Variants in HNF1A observed in about 807,000 individuals in gnomAD.
HNF1A encodes the protein HNF1 homeobox A.
HNF1A carries 21 observed loss-of-function variants against 62.2 expected under a neutral mutation model. The ratio of observed to expected loss-of-function variants is 0.34; its 90% confidence interval spans 0.24 to 0.49. HNF1A has a LOEUF of 0.49. HNF1A is among the 20% of genes least tolerant of loss of function. The pLI is 0.99. For synonymous variants in HNF1A, 374 were observed against 366.8 expected (o/e 1.02, Z -0.22); for missense variants, 687 against 832.3 (o/e 0.83, Z 2.15).
chr12:120,983,153 T>C (rs780399423), intron 1 of HNF1A, among the ~76,000 whole-genome samples: 7 of 152,172 alleles, frequency 4.6e-5, no homozygotes, highest in Non-Finnish European at 8.8e-5. Context: ...GGACATCCGA[T>C]TGACCCTGGA....
chr12:120,996,827 C>CTCATTCAT lies in HNF1A; in HGVS notation c.1309+94_1309+101dup, dbSNP rs58371019. ...CCAGGAGCTGGAAGAGCCACTGGGA[C>CTCATTCAT]TCATTCATTCATTCATACAACATGT... On this transcript the variant is annotated intron_variant, in intron 6 of 9. Transcript: ENST00000257555. The surrounding 1 kb of genome is among the most constrained non-coding windows in gnomAD (Gnocchi z 4.5). The CTCATTCAT allele has an allele frequency of 0.79, 1,213,972 of 1,530,040 alleles. 485,095 individuals are homozygous for CTCATTCAT. The highest frequency in any genetic ancestry group is 0.89 in the Admixed American group (45,440 of 50,918). 94.8% of individuals were successfully genotyped at this position (1,530,040 alleles called of 1,614,324 possible).
chr12:120,988,785 G>T (rs1265256068), intron 1 of HNF1A, 48 bp from the exon 2 acceptor site: 1 of 1,582,110 alleles, frequency 6.3e-7, no homozygotes. Context: ...CCCACCTATG[G>T]GGAGAGACAG....
chr12:120,999,522 C>T lies in HNF1A; in HGVS notation c.1663C>T (p.Leu555Phe), dbSNP rs193922587. Reference sequence around the variant, plus strand: ...CACTGAGGCCTCCAGTGAGTCCGGGCTTCACACGCCGGCATCTCAGGCCAC... The same window carrying T: ...CACTGAGGCCTCCAGTGAGTCCGGGTTTCACACGCCGGCATCTCAGGCCAC... ...SDTEASSESG[L>F]HTPASQATTL... Residue 555 changes from leucine to phenylalanine, a missense_variant, in exon 9 of 10, where the codon CTT becomes TTT. Around this residue, in one of 5 missense-constraint regions of HNF1A, gnomAD observed 408 missense variants for 455.3 expected, o/e 0.90. Transcript: ENST00000257555. The T allele has an allele frequency of 1.9e-5, 31 of 1,613,572 alleles. No individual in the cohort carries two copies. Among genetic ancestry groups the T allele is most frequent in the Non-Finnish European group, 2.5e-5 (30 of 1,179,936 alleles).
intron 1 of HNF1A, among the ~76,000 whole-genome samples, chr12:120,987,203 G>A (rs999133806): frequency 7.9e-5 from 12 of 152,278 alleles, no homozygotes; most frequent in South Asian, 2.1e-4. Flanking sequence ...GGCCGGGCGC[G>A]GTGGCTCACG....
At position 120,996,626 on chromosome 12, in the gene HNF1A, A is replaced by C. The variant is rs1877116749; in HGVS notation, c.1193A>C (p.Gln398Pro). 1.9e-6 allele frequency: 3 copies of C among 1,614,068 alleles called. No individual in the cohort carries two copies. The highest frequency in any genetic ancestry group is 2.5e-6 in the Non-Finnish European group (3 of 1,179,992). The change falls in exon 6 of 10, where the codon CAG (glutamine) becomes CCG (proline). Residue 398 changes from glutamine (Q) to proline (P), a missense_variant. Physicochemically the swap from Gln to Pro is moderately conservative, Grantham distance 76 (BLOSUM62 -1). Transcript: ENST00000257555. This position sits in a 1 kb window ranked among gnomAD's most constrained non-coding sequence, Gnocchi z 4.5. ...GAGCAGACATCCCCAGGCCTCAACC[A>C]GCAGCCCCAGAACCTCATCATGGCC... ...SLEQTSPGLN[Q>P]QPQNLIMASL...
In HNF1A at chr12:120,996,505, C is replaced by T. The variant is rs370573492; in HGVS notation, c.1108-36C>T. On this transcript the variant is annotated intron_variant, in intron 5 of 9. Coordinates refer to ENST00000257555, the MANE Select transcript of HNF1A (RefSeq NM_000545.8). The surrounding 1 kb of genome is among the most constrained non-coding windows in gnomAD (Gnocchi z 4.5). ...TCCCTAGGGAGGCCCTGTGGGGACCCCGGCCCCCCGGACACAGCTTGGCTT... is the reference window on the plus strand; with the variant it reads ...TCCCTAGGGAGGCCCTGTGGGGACCTCGGCCCCCCGGACACAGCTTGGCTT... 1.9e-5 allele frequency: 31 copies of T among 1,612,580 alleles called. No individual in the cohort carries two copies. The highest frequency in any genetic ancestry group is 3.3e-4 in the Middle Eastern group (2 of 6,082).
rs771512829 is a variant in HNF1A at position 120,996,306 on chromosome 12, C to A, written c.1000C>A (p.Pro334Thr). ...QPATSETAEV[P>T]SSSGGPLVTV... Reference sequence around the variant, plus strand: ...TGCGACCAGTGAGACTGCAGAAGTACCCTCAAGCAGCGGCGGTCCCTTAGT... The same window carrying A: ...TGCGACCAGTGAGACTGCAGAAGTAACCTCAAGCAGCGGCGGTCCCTTAGT... The change falls in exon 5 of 10, where the codon CCC (proline) becomes ACC (threonine). Residue 334 changes from proline (P) to threonine (T), a missense_variant. Coordinates refer to ENST00000257555, the MANE Select transcript of HNF1A (RefSeq NM_000545.8). The surrounding 1 kb of genome is among the most constrained non-coding windows in gnomAD (Gnocchi z 4.5). 2.5e-6 allele frequency: 4 copies of A among 1,614,208 alleles called. No individual in the cohort carries two copies. The highest frequency in any genetic ancestry group is 1.1e-5 in the South Asian group (1 of 91,084).
chr12:120,985,975 C>G (rs990860565), intron 1 of HNF1A, among the ~76,000 whole-genome samples: 1 of 149,546 alleles, frequency 6.7e-6, no homozygotes, highest in Non-Finnish European at 1.5e-5. Context: ...CAGAGCAAGG[C>G]TTTGTCTCAA....
Position 120,997,575 on chromosome 12 carries a change from T to G in HNF1A, c.1411T>G (p.Ser471Ala). Residue 471 changes from serine (S) to alanine (A), a missense_variant, in exon 7 of 10, where the codon TCC (serine) becomes GCC (alanine). Around this residue, in one of 5 missense-constraint regions of HNF1A, gnomAD observed 408 missense variants for 455.3 expected, o/e 0.90. Transcript: ENST00000257555. ...CCAGTTCTCCCAGCCGCTGCACCCCTCCTACCAGCAGCCGCTCATGCCACC... is the reference window on the plus strand; with the variant it reads ...CCAGTTCTCCCAGCCGCTGCACCCCGCCTACCAGCAGCCGCTCATGCCACC... ...PVQFSQPLHP[S>A]YQQPLMPPVQ... 6.2e-7 allele frequency: 1 copy of G among 1,613,738 alleles called. No homozygotes were observed. Among genetic ancestry groups the G allele is most frequent in the Non-Finnish European group, 8.5e-7 (1 of 1,179,956 alleles).
At position 120,997,267 on chromosome 12, in the gene HNF1A, A is replaced by G. The variant is rs549891902; in HGVS notation, c.1310-207A>G. ...GCCTGCCTCTCCCACTAGCCTAGACAAAGAGCTAAAGGCTCAGAGAGGGGG... is the reference window on the plus strand; with the variant it reads ...GCCTGCCTCTCCCACTAGCCTAGACGAAGAGCTAAAGGCTCAGAGAGGGGG... On this transcript the variant is annotated intron_variant, in intron 6 of 9. Transcript: ENST00000257555. The G allele has an allele frequency of 4.3e-5, 61 of 1,421,400 alleles. 1 individual carries two copies. In the African/African-American group the frequency reaches 8.5e-4, roughly 20 times the overall value. The allele number at this position is 1,421,400 out of a possible 1,614,324, so 88.0% of individuals were successfully genotyped here.
rs771962740 is a variant in HNF1A at position 120,994,145 on chromosome 12, T to A, written c.714-19T>A. 1 of 1,611,072 alleles carries A rather than the reference T, an allele frequency of 6.2e-7. No homozygotes were observed. The highest frequency in any genetic ancestry group is 1.1e-5 in the South Asian group (1 of 90,214). On this transcript the variant is annotated intron_variant, in intron 3 of 9. Coordinates refer to ENST00000257555, the MANE Select transcript of HNF1A (RefSeq NM_000545.8). ...CCTCTGAGCCTGGCCTGGAGGCTCA[T>A]GGGTGGCTATTTCTGCAGGGCGGAA...
chr12:120,979,137 G>C (rs752900746), intron 1 of HNF1A, 43 bp downstream of exon 1: 3 of 1,553,880 alleles, frequency 1.9e-6, no homozygotes, highest in Non-Finnish European at 2.6e-6. Context: ...AGAGCCTAGA[G>C]GGGCCCCCCT....
At chr12:120,989,140 A>G in intron 2 of HNF1A, 108 bp downstream of exon 2, 2 of 1,079,300 alleles carry the variant, frequency 1.9e-6, no homozygotes, top group South Asian at 2.7e-5. Context: ...AGACAGGTAG[A>G]TGGAAAGGAA....
Position 120,993,510 on chromosome 12 carries a change from GTGCC to G in HNF1A, c.527-6_527-3del, listed in dbSNP as rs764220373. The G allele has an allele frequency of 3.7e-6, 6 of 1,613,670 alleles. No homozygotes were observed. The highest frequency in any genetic ancestry group is 3.3e-4 in the Middle Eastern group (2 of 6,024). On this transcript the variant is annotated splice_region_variant and splice_polypyrimidine_tract_variant and intron_variant, in intron 2 of 9. Transcript: ENST00000257555. ...GCCAGTACCCCACTCACGGCTTTCT[GTGCC>G]TGCAGAGTTCACCCATGCAGGGCAG...
intron 3 of HNF1A, 24 bp from the exon 4 acceptor site, chr12:120,994,140 G>A (rs2135840933): frequency 6.2e-7 from 1 of 1,609,952 alleles, no homozygotes; most frequent in African/African-American, 1.3e-5. Context: ...TGGCCTGGAG[G>A]CTCATGGGTG....
At chr12:120,983,464 C>A (rs184035818) in intron 1 of HNF1A, among the ~76,000 whole-genome samples, 1 of 152,198 alleles carries the variant, frequency 6.6e-6, no homozygotes, top group Admixed American at 6.5e-5. Context: ...TTTGAACCCA[C>A]ATTGGTTTGA....
intron 6 of HNF1A, 42 bp from the exon 7 acceptor site, chr12:120,997,432 A>G (rs1039869779): frequency 3.2e-6 from 5 of 1,563,002 alleles, no homozygotes; most frequent in Non-Finnish European, 3.5e-6. Context: ...GGGGTGGGAT[A>G]TAACTGGGGG....
intron 6 of HNF1A, 95 bp from the exon 7 acceptor site, chr12:120,997,379 G>C (rs1457385582): frequency 7.1e-7 from 1 of 1,406,084 alleles, no homozygotes; most frequent in African/African-American, 1.4e-5. Context: ...CCAAACCACG[G>C]GCTCTGGGAA....
At chr12:120,991,428 A>G (rs1258716109) in intron 2 of HNF1A, among the ~76,000 whole-genome samples, 2 of 152,052 alleles carry the variant, frequency 1.3e-5, no homozygotes, top group Admixed American at 1.3e-4. Flanking sequence ...ACCCCATCTT[A>G]ACTAAAAATA....
Sources: allele counts gnomAD v4.1 joint callset (sites outside exome capture counted in the v4.1 genomes callset), GRCh38; gene constraint gnomAD v4.1.1; regional missense constraint gnomAD v4.1.1; non-coding constraint Gnocchi (gnomAD v3.1); transcripts MANE v1.5; gene names NCBI Gene and HGNC (gene_info 2026-07-23, HGNC 2026-07-21).